The following CNTN5 variants were observed in gnomAD, a reference collection of about 807,000 sequenced individuals.
CNTN5 encodes contactin 5.
Under a neutral mutation model 129.1 loss-of-function variants are expected in CNTN5, and 77 were observed. That is an observed-to-expected ratio of 0.60 (90% confidence interval 0.50 to 0.72). The LOEUF is 0.72. Among genes scored for constraint, CNTN5 ranks in the 30% least tolerant of loss-of-function variants. The pLI, the probability that CNTN5 is intolerant of heterozygous loss-of-function variation, is 0.00. For synonymous variants in CNTN5, 509 were observed against 465.6 expected (o/e 1.09, Z -1.20); for missense variants, 1,478 against 1,328.8 (o/e 1.11, Z -1.75).
intron 3 of CNTN5, among the ~76,000 whole-genome samples, chr11:99,557,448 T>C (rs1443547009): frequency 1.3e-5 from 2 of 151,386 alleles, no homozygotes; most frequent in African/African-American, 2.4e-5. Context: ...ACTAAATTTC[T>C]TTATTTCAAA....
At chr11:99,168,926 C>T (rs11218615) in intron 1 of CNTN5, among the ~76,000 whole-genome samples, 65,579 of 152,072 alleles carry the variant, frequency 0.43, 15,004 homozygotes, top group East Asian at 0.8. Context: ...AGCTTTTAAC[C>T]TTTGTGGAAG....
chr11:99,268,263 G>C (rs1302050515), intron 1 of CNTN5, among the ~76,000 whole-genome samples: 1 of 151,924 alleles, frequency 6.6e-6, no homozygotes, highest in Non-Finnish European at 1.5e-5. Flanking sequence ...GCTTGGACTG[G>C]AAAGTAGAAC....
intron 6 of CNTN5, among the ~76,000 whole-genome samples, chr11:99,913,870 G>A (rs938311493): frequency 6.6e-6 from 1 of 152,098 alleles, no homozygotes; most frequent in Non-Finnish European, 1.5e-5. Context: ...TAAAAATTCA[G>A]TTAAAATAAA....
chr11:99,374,639 G>A (rs552913371), intron 2 of CNTN5, among the ~76,000 whole-genome samples: 1 of 152,132 alleles, frequency 6.6e-6, no homozygotes, highest in East Asian at 1.9e-4. Context: ...AGTCCAGATC[G>A]CGTCACTGCA....
Position 99,131,249 on chromosome 11 carries a change from GAAAAA to G in CNTN5, c.-210+109990_-210+109994del, listed in dbSNP as rs71046664. ...GGTGACAGAGTGAGACTCCATCTCAGAAAAAAAAAAAAAAAGAAAAATTTATAGCA... is the reference window on the plus strand; with the variant it reads ...GGTGACAGAGTGAGACTCCATCTCAGAAAAAAAAAAGAAAAATTTATAGCA... On this transcript the variant is annotated intron_variant, in intron 1 of 24. Transcript: ENST00000524871. 1.2e-4 allele frequency among the ~76,000 whole-genome samples: 8 copies of G among 67,192 alleles called. No individual in the cohort carries two copies. In the East Asian group the frequency reaches 3.5e-3, roughly 30 times the overall value. The allele number at this position is 67,192 out of a possible 152,430, so 44.1% of individuals were successfully genotyped here.
At chr11:100,232,206 C>A (rs767075177) in intron 16 of CNTN5, among the ~76,000 whole-genome samples, 3 of 151,758 alleles carry the variant, frequency 2.0e-5, no homozygotes, top group Non-Finnish European at 2.9e-5. Flanking sequence ...GGGGAAAATG[C>A]TGGAATGGAA....
chr11:99,216,757 T>A (rs898779), intron 1 of CNTN5, among the ~76,000 whole-genome samples: 116,754 of 151,896 alleles, frequency 0.77, 45,189 homozygotes, highest in East Asian at 0.99. Flanking sequence ...AAACACAAGA[T>A]ACCAAAGCAA....
chr11:100,103,528 G>C (rs1238080721), intron 13 of CNTN5, among the ~76,000 whole-genome samples: 2 of 152,130 alleles, frequency 1.3e-5, no homozygotes, highest in African/African-American at 4.8e-5. Flanking sequence ...ACTGTGATGA[G>C]GTGAAGTTTG....
intron 1 of CNTN5, among the ~76,000 whole-genome samples, chr11:99,160,518 A>C (rs116959770): frequency 1.3e-5 from 2 of 152,138 alleles, no homozygotes; most frequent in East Asian, 1.9e-4. Flanking sequence ...TATCACTAGG[A>C]TTGTCTTAAA....
rs68113369 is a variant in CNTN5 at position 99,091,021 on chromosome 11, C to CAAAAAAAAAA, written c.-210+69765_-210+69774dup. ...TGGGCGACAGAGCGAGACTCCGTCT[C>CAAAAAAAAAA]AAAAAAAAAAAAAAAAAAAAAAAGC... On this transcript the variant is annotated intron_variant, in intron 1 of 24. Coordinates refer to ENST00000524871, the MANE Select transcript of CNTN5 (RefSeq NM_014361.4). 8.3e-4 allele frequency among the ~76,000 whole-genome samples: 47 copies of CAAAAAAAAAA among 56,754 alleles called. 1 individual carries two copies. The highest frequency in any genetic ancestry group is 2.0e-3 in the East Asian group (3 of 1,506). The allele number at this position is 56,754 out of a possible 152,430, so 37.2% of individuals were successfully genotyped here.
At chr11:100,214,354 C>T (rs1373252267) in intron 15 of CNTN5, among the ~76,000 whole-genome samples, 2 of 152,116 alleles carry the variant, frequency 1.3e-5, no homozygotes, top group Non-Finnish European at 2.9e-5. Flanking sequence ...TGGAGCTAGT[C>T]GTGCTAGGCC....
intron 1 of CNTN5, among the ~76,000 whole-genome samples, chr11:99,225,598 T>A (rs1006452087): frequency 6.6e-6 from 1 of 152,114 alleles, no homozygotes; most frequent in Non-Finnish European, 1.5e-5. Flanking sequence ...GGACTTAAAA[T>A]CTTTGGGGGC....
At chr11:99,380,642 T>G (rs1940487036) in intron 2 of CNTN5, among the ~76,000 whole-genome samples, 1 of 150,924 alleles carries the variant, frequency 6.6e-6, no homozygotes. Context: ...TGTGGTGTGC[T>G]CCTGTAATCC....
intron 3 of CNTN5, among the ~76,000 whole-genome samples, chr11:99,558,888 T>C (rs546367651): frequency 6.6e-6 from 1 of 152,022 alleles, no homozygotes; most frequent in Non-Finnish European, 1.5e-5. Flanking sequence ...TTCAGTTGCT[T>C]TTTTAAACAG....
chr11:99,874,376 A>G (rs1042157200), intron 6 of CNTN5, among the ~76,000 whole-genome samples: 1 of 152,162 alleles, frequency 6.6e-6, no homozygotes, highest in African/African-American at 2.4e-5. Flanking sequence ...AGAGCTCAAC[A>G]TGTTGCCAGA....
intron 18 of CNTN5, among the ~76,000 whole-genome samples, chr11:100,279,907 T>C (rs1397797790): frequency 3.5e-5 from 3 of 85,698 alleles, no homozygotes; most frequent in Non-Finnish European, 7.6e-5. Context: ...AGTTTTTCTT[T>C]TTCTTTTTTT....
At chr11:99,209,737 A>G (rs902162032) in intron 1 of CNTN5, among the ~76,000 whole-genome samples, 1 of 152,204 alleles carries the variant, frequency 6.6e-6, no homozygotes, top group Non-Finnish European at 1.5e-5. Context: ...TAGACAGTAA[A>G]TGAATAGACA....
At chr11:99,080,419 T>A (rs558522139) in intron 1 of CNTN5, among the ~76,000 whole-genome samples, 18 of 152,284 alleles carry the variant, frequency 1.2e-4, no homozygotes, top group Admixed American at 5.2e-4. Context: ...AGTTCCCACG[T>A]TCGTTCCATT....
chr11:99,419,633 A>T (rs1942800995), intron 2 of CNTN5, among the ~76,000 whole-genome samples: 2 of 152,176 alleles, frequency 1.3e-5, no homozygotes, highest in African/African-American at 4.8e-5. Flanking sequence ...GGCATGTATC[A>T]TTCCCAATTT....
Sources: allele counts gnomAD v4.1 joint callset (sites outside exome capture counted in the v4.1 genomes callset), GRCh38; gene constraint gnomAD v4.1.1; transcripts MANE v1.5; gene names NCBI Gene and HGNC (gene_info 2026-07-23, HGNC 2026-07-21).